Variants in CEP170 observed in about 807,000 individuals in gnomAD.
The protein encoded by CEP170 is centrosomal protein of 170 kDa.
CEP170 carries 21 observed loss-of-function variants against 151.9 expected under a neutral mutation model. That is an observed-to-expected ratio of 0.14 (90% CI 0.10 to 0.20). The LOEUF (loss-of-function observed/expected upper bound fraction) is 0.20, where lower values mean the gene tolerates loss of function less well. Ranked by LOEUF, CEP170 falls within the 10% of genes least tolerant of loss-of-function variation. CEP170 has a pLI of 1.00. For synonymous variants in CEP170, 356 were observed against 648.8 expected, an observed-to-expected ratio of 0.55 and a Z score of 6.86; for missense variants, 964 against 1,892.9, an observed-to-expected ratio of 0.51 and a Z score of 9.11.
intron 1 of CEP170, among the ~76,000 whole-genome samples, chr1:243,252,856 A>G (rs1328291150): frequency 2.6e-5 from 4 of 152,176 alleles, no homozygotes; most frequent in Admixed American, 6.5e-5. Context: ...GGGAAGAAAA[A>G]AGCACTTTAT....
chr1:243,174,979 T>C (rs1180224202), intron 10 of CEP170: 1 of 152,236 alleles, frequency 6.6e-6, no homozygotes, highest in African/African-American at 2.4e-5. Flanking sequence ...CTAACAAAAA[T>C]CTAACTCAGG....
At chr1:243,201,660 A>G (rs1478666737) in intron 4 of CEP170, among the ~76,000 whole-genome samples, 2 of 152,108 alleles carry the variant, frequency 1.3e-5, no homozygotes, top group African/African-American at 4.8e-5. Context: ...GAAAAAGATG[A>G]CTTCCCAAGC....
At chr1:243,254,535 C>T (rs2066364517) in intron 1 of CEP170, 2 of 151,758 alleles carry the variant, frequency 1.3e-5, no homozygotes, top group South Asian at 4.2e-4. Flanking sequence ...CCAACCGCCT[C>T]ACACCCCAAA....
At chr1:243,130,817 T>C (rs961331925) in intron 17 of CEP170, among the ~76,000 whole-genome samples, 2 of 151,450 alleles carry the variant, frequency 1.3e-5, no homozygotes, top group Non-Finnish European at 2.9e-5. Context: ...TAGAATCTGG[T>C]ATAAGAATAT....
chr1:243,213,914 T>A (rs2062032093), intron 3 of CEP170, among the ~76,000 whole-genome samples: 1 of 152,168 alleles, frequency 6.6e-6, no homozygotes, highest in East Asian at 1.9e-4. Flanking sequence ...TCTCACTATG[T>A]CACCCAGGCT....
At chr1:243,200,911 G>A in intron 4 of CEP170, 76 bp from the exon 5 acceptor site, 2 of 1,518,230 alleles carry the variant, frequency 1.3e-6, no homozygotes, top group Non-Finnish European at 1.8e-6. Context: ...ATGTAATTTA[G>A]AAATTGTTCT....
In CEP170 at chr1:243,165,403, T is replaced by A. The variant is rs1572384934; in HGVS notation, c.2557A>T (p.Ile853Phe). ...GAAGTCTGTTTATTTATATGGGGAA[T>A]AAGTTCTATGGGTATGTTTGGGCTG... The part of the protein sequence containing the change: ...KPSPNIPIEL[I>F]PHINKQTSST... Residue 853 changes from isoleucine (I) to phenylalanine (F), a missense_variant, in exon 13 of 20, where the codon ATT (isoleucine) becomes TTT (phenylalanine). By Grantham distance (21) the Ile-to-Phe change is conservative (BLOSUM62 0). Transcript: ENST00000366542. 6.4e-7 allele frequency: 1 copy of A among 1,559,598 alleles called. No homozygotes were observed. Among genetic ancestry groups the A allele is most frequent in the Non-Finnish European group, 8.8e-7 (1 of 1,142,810 alleles).
At chr1:243,162,067 A>G (rs2058107900) in intron 13 of CEP170, among the ~76,000 whole-genome samples, 1 of 152,226 alleles carries the variant, frequency 6.6e-6, no homozygotes, top group Non-Finnish European at 1.5e-5. Context: ...CTAGATTACA[A>G]TATGGCTTTA....
At chr1:243,233,389 C>T (rs775367036) in intron 1 of CEP170, among the ~76,000 whole-genome samples, 16 of 141,320 alleles carry the variant, frequency 1.1e-4, no homozygotes, top group Non-Finnish European at 2.4e-4. Flanking sequence ...TTGAGCAGAG[C>T]ACACAGCTTC....
intron 3 of CEP170, 134 bp downstream of exon 3, chr1:243,221,590 G>T: frequency 1.2e-6 from 1 of 843,926 alleles, no homozygotes; most frequent in Non-Finnish European, 1.8e-6. Flanking sequence ...AAAGTGCTAT[G>T]TACCTGATAA....
At chr1:243,221,574 G>C in intron 3 of CEP170, 150 bp downstream of exon 3, 1 of 693,190 alleles carries the variant, frequency 1.4e-6, no homozygotes, top group Non-Finnish European at 2.4e-6. Context: ...CTATTGGATG[G>C]TCCCCAAAGT....
intron 18 of CEP170, 28 bp downstream of exon 18, chr1:243,129,332 T>C (rs1572110669): frequency 1.3e-6 from 2 of 1,522,336 alleles, no homozygotes; most frequent in Non-Finnish European, 1.8e-6. Flanking sequence ...TATTAAAATG[T>C]TTTAATCTTC....
intron 13 of CEP170, among the ~76,000 whole-genome samples, chr1:243,157,423 A>G (rs919004086): frequency 2.0e-5 from 3 of 152,238 alleles, no homozygotes; most frequent in African/African-American, 7.2e-5. Context: ...TAAACCTAAC[A>G]AGGGCAGGAA....
chr1:243,181,772 T>C (rs2059631026), intron 10 of CEP170, among the ~76,000 whole-genome samples: 1 of 152,244 alleles, frequency 6.6e-6, no homozygotes, highest in Admixed American at 6.5e-5. Flanking sequence ...CTGCTTTTTA[T>C]TCCAAGATGC....
intron 14 of CEP170, among the ~76,000 whole-genome samples, chr1:243,155,818 A>G (rs2057494553): frequency 6.6e-6 from 1 of 152,186 alleles, no homozygotes; most frequent in South Asian, 2.1e-4. Context: ...TCCAGAGAGC[A>G]GTAGCCACAT....
intron 3 of CEP170, among the ~76,000 whole-genome samples, chr1:243,214,277 A>G (rs1418156000): frequency 6.9e-6 from 1 of 144,764 alleles, no homozygotes; most frequent in South Asian, 2.2e-4. Flanking sequence ...TATAAGCTGT[A>G]AAGTTTTTTT....
chr1:243,219,340 G>C (rs373889266), intron 3 of CEP170, among the ~76,000 whole-genome samples: 2 of 152,158 alleles, frequency 1.3e-5, no homozygotes, highest in African/African-American at 2.4e-5. Flanking sequence ...TATATATGAG[G>C]AAACTGAATT....
chr1:243,126,409 C>G lies in CEP170; in HGVS notation c.*40G>C, dbSNP rs1046118. 2 of 1,564,560 alleles carry G rather than the reference C, an allele frequency of 1.3e-6. No homozygotes were observed. Among genetic ancestry groups the G allele is most frequent in the Admixed American group, 3.7e-5 (2 of 54,366 alleles). ...ACTATGCTGCTTCCAATATTCCTAGCCATTCCACAGGTAATGATTTTTCAA... is the reference window on the plus strand; with the variant it reads ...ACTATGCTGCTTCCAATATTCCTAGGCATTCCACAGGTAATGATTTTTCAA... On this transcript the variant is annotated 3_prime_UTR_variant, in exon 20 of 20. Coordinates refer to ENST00000366542, the MANE Select transcript of CEP170 (RefSeq NM_014812.3).
rs775685042 is a variant in CEP170, at chr1:243,126,402, T to C, written c.*47A>G. ...CATCAACACTATGCTGCTTCCAATA[T>C]TCCTAGCCATTCCACAGGTAATGAT... On this transcript the variant is annotated 3_prime_UTR_variant, in exon 20 of 20. Transcript: ENST00000366542. 1.3e-6 allele frequency: 2 copies of C among 1,552,760 alleles called. No individual in the cohort carries two copies. The highest frequency in any genetic ancestry group is 2.3e-5 in the East Asian group (1 of 43,378).
Sources: allele counts gnomAD v4.1 joint callset (sites outside exome capture counted in the v4.1 genomes callset), GRCh38; gene constraint gnomAD v4.1.1; transcripts MANE v1.5; gene names NCBI Gene and HGNC (gene_info 2026-07-23, HGNC 2026-07-21).